The following RGS6 variants were observed in gnomAD, a reference collection of about 807,000 sequenced individuals.
RGS6 encodes the protein regulator of G protein signaling 6.
A neutral mutation model predicts 78.5 loss-of-function variants in RGS6; 30 were observed. That is an observed-to-expected ratio of 0.38 (90% CI 0.29 to 0.52). The LOEUF is 0.52. Among genes scored for constraint, RGS6 ranks in the 20% least tolerant of loss-of-function variants. RGS6 has a pLI of 0.85. For synonymous variants in RGS6, 206 were observed against 206.0 expected (o/e 1.00, Z 0.00); for missense variants, 495 against 609.7 (o/e 0.81, Z 1.98).
chr14:72,513,570 A>G lies in RGS6; in HGVS notation c.1091+3291A>G, dbSNP rs550463678. Among the ~76,000 whole-genome samples, 4 of 152,216 alleles carry G rather than the reference A, an allele frequency of 2.6e-5. No individual in the cohort carries two copies. In the South Asian group the frequency reaches 6.2e-4, roughly 24 times the overall value. ...TTTGTTGAGTGCCTTGGGAATGCTC[A>G]TGGCTTCTGTCCACAAGGCAGGGGC... is the stretch of plus-strand genomic sequence containing the variant. On this transcript the variant is annotated intron_variant, in intron 14 of 17. Transcript: ENST00000553525.
At chr14:72,224,899 A>G (rs2238233) in intron 2 of RGS6, among the ~76,000 whole-genome samples, 14,776 of 152,172 alleles carry the variant, frequency 0.097, 1,005 homozygotes, top group East Asian at 0.32. Flanking sequence ...TTTGTGTGGG[A>G]AAAATGGATG....
chr14:72,039,695 A>G (rs908061039), intron 2 of RGS6, among the ~76,000 whole-genome samples: 3 of 151,996 alleles, frequency 2.0e-5, no homozygotes, highest in Admixed American at 1.3e-4. Flanking sequence ...TGAAGCAATT[A>G]CTGATTGGGA....
At chr14:71,926,088 C>T in the RGS6 span, among the ~76,000 whole-genome samples, 1 of 152,124 alleles carries the variant, frequency 6.6e-6, no homozygotes, top group South Asian at 2.1e-4. Flanking sequence ...GTATATGCTA[C>T]CCAAAGTGAT....
intron 17 of RGS6, among the ~76,000 whole-genome samples, chr14:72,543,602 G>A (rs960201088): frequency 6.6e-6 from 1 of 152,210 alleles, no homozygotes; most frequent in African/African-American, 2.4e-5. Context: ...ACTGACCAGG[G>A]AGAGGAGGTG....
intron 2 of RGS6, among the ~76,000 whole-genome samples, chr14:72,273,363 C>T (rs759791020): frequency 1.3e-5 from 2 of 152,004 alleles, no homozygotes; most frequent in African/African-American, 2.4e-5. Flanking sequence ...ATGCAAGTAA[C>T]TGAATCACCT....
At chr14:72,184,766 C>T (rs962922497) in intron 2 of RGS6, among the ~76,000 whole-genome samples, 2 of 152,100 alleles carry the variant, frequency 1.3e-5, no homozygotes, top group African/African-American at 2.4e-5. Context: ...AATGTTTTAT[C>T]CTACTGGCAA....
chr14:72,314,251 TAGAC>T (rs1246986899), intron 2 of RGS6, among the ~76,000 whole-genome samples: 1 of 152,206 alleles, frequency 6.6e-6, no homozygotes, highest in Non-Finnish European at 1.5e-5. Flanking sequence ...CCTCAGGGGT[TAGAC>T]AGCTCACTGA....
chr14:72,529,678 A>C (rs556152462), intron 15 of RGS6, among the ~76,000 whole-genome samples: 1 of 152,232 alleles, frequency 6.6e-6, no homozygotes, highest in South Asian at 2.1e-4. Context: ...CCACAGAATT[A>C]GGAGACATAT....
chr14:72,372,556 A>G (rs1032291462), intron 3 of RGS6, among the ~76,000 whole-genome samples: 1 of 152,242 alleles, frequency 6.6e-6, no homozygotes, highest in Admixed American at 6.5e-5. Flanking sequence ...AAAATTGTCT[A>G]AAACCTCCCA....
intron 2 of RGS6, among the ~76,000 whole-genome samples, chr14:72,080,090 T>G (rs926542836): frequency 1.3e-5 from 2 of 152,170 alleles, no homozygotes; most frequent in African/African-American, 4.8e-5. Context: ...GTTCTGTTTC[T>G]CATTTTTTGA....
intron 3 of RGS6, among the ~76,000 whole-genome samples, chr14:72,379,575 T>A (rs1020826857): frequency 1.3e-5 from 2 of 151,952 alleles, no homozygotes; most frequent in African/African-American, 2.4e-5. Context: ...CAATCCTACT[T>A]ACAATAGTTA....
In RGS6 at chr14:72,144,303, A is replaced by G. The variant is rs149899363; in HGVS notation, c.84+179428A>G. Among the ~76,000 whole-genome samples, 99 of 152,380 alleles carry G rather than the reference A, an allele frequency of 6.5e-4. No individual in the cohort carries two copies. The East Asian group carries it at 0.017, about 25-fold the overall frequency. On this transcript the variant is annotated intron_variant, in intron 2 of 17. Coordinates refer to ENST00000553525, the MANE Select transcript of RGS6 (RefSeq NM_001204424.2). ...TCACTTAGCAGAGTTTGGGAATAAT[A>G]ACTGGCAAAAAAGCTAAAATTCTTA...
At chr14:71,915,968 A>G in the RGS6 span, among the ~76,000 whole-genome samples, 49 of 152,328 alleles carry the variant, frequency 3.2e-4, no homozygotes, top group African/African-American at 1.1e-3. Flanking sequence ...TCTGCAAGCC[A>G]AGGAGAGAAG....
At chr14:72,278,881 C>T (rs930624564) in intron 2 of RGS6, among the ~76,000 whole-genome samples, 5 of 152,028 alleles carry the variant, frequency 3.3e-5, no homozygotes, top group African/African-American at 9.7e-5. Flanking sequence ...TTGCAGGGTT[C>T]GGTTTCTGGT....
intron 2 of RGS6, among the ~76,000 whole-genome samples, chr14:72,162,380 C>G (rs534121843): frequency 6.6e-6 from 1 of 152,108 alleles, no homozygotes; most frequent in Non-Finnish European, 1.5e-5. Context: ...AAAGATAAGG[C>G]TAAACCACTC....
At chr14:71,926,516 G>A in the RGS6 span, among the ~76,000 whole-genome samples, 9 of 150,248 alleles carry the variant, frequency 6.0e-5, no homozygotes, top group Non-Finnish European at 1.0e-4. Context: ...CCCAGGAGGC[G>A]GAGGTTGCAG....
At chr14:72,603,767 A>G in the RGS6 span, among the ~76,000 whole-genome samples, 148,973 of 152,222 alleles carry the variant, frequency 0.98, 72,934 homozygotes, top group African/African-American at 1. Flanking sequence ...GTATGCAAGA[A>G]AGTTCCTGCT....
At chr14:72,031,964 G>A (rs1035112795) in intron 2 of RGS6, among the ~76,000 whole-genome samples, 3 of 152,112 alleles carry the variant, frequency 2.0e-5, no homozygotes, top group Non-Finnish European at 2.9e-5. Flanking sequence ...GGACATTTTG[G>A]TATAGTCACC....
chr14:72,602,079 C>T, the RGS6 span, among the ~76,000 whole-genome samples: 6 of 152,328 alleles, frequency 3.9e-5, no homozygotes, highest in Non-Finnish European at 5.9e-5. Flanking sequence ...CGCATTGCCT[C>T]GTTGAATCTT....
Sources: gnomAD v4.1 joint callset for allele counts (sites outside exome capture counted in the v4.1 genomes callset) on GRCh38, gnomAD v4.1.1 for gene constraint, MANE v1.5 for transcripts, NCBI Gene and HGNC (gene_info 2026-07-23, HGNC 2026-07-21) for gene names.